The following NRG4 variants were observed in gnomAD, a reference collection of about 807,000 sequenced individuals.
NRG4 encodes the protein neuregulin 4.
In NRG4, 10 loss-of-function variants were observed where a neutral mutation model predicts 15.0. The ratio of observed to expected loss-of-function variants is 0.67; its 90% CI spans 0.41 to 1.13. The LOEUF (loss-of-function observed/expected upper bound fraction) is 1.13, where lower values mean the gene tolerates loss of function less well. NRG4 is among the 50% of genes most tolerant of loss of function. NRG4 has a pLI of 0.00. For missense variants in NRG4, 139 were observed against 140.2 expected (o/e 0.99, Z 0.04); for synonymous variants, 41 against 50.1 (o/e 0.82, Z 0.77).
chr15:75,972,207 G>C (rs532288465), intron 3 of NRG4, among the ~76,000 whole-genome samples: 1 of 152,198 alleles, frequency 6.6e-6, no homozygotes, highest in African/African-American at 2.4e-5. Flanking sequence ...CCCACTTTTT[G>C]ATGGGGTTGT....
intron 5 of NRG4, among the ~76,000 whole-genome samples, chr15:75,948,241 A>T (rs757500360): frequency 3.9e-5 from 6 of 152,066 alleles, no homozygotes; most frequent in Non-Finnish European, 8.8e-5. Flanking sequence ...CAATTTCATG[A>T]AGCATTCCCC....
intron 5 of NRG4, among the ~76,000 whole-genome samples, chr15:75,946,845 G>A (rs1316151496): frequency 1.3e-5 from 2 of 152,168 alleles, no homozygotes; most frequent in Non-Finnish European, 2.9e-5. Flanking sequence ...CACTTAGCAC[G>A]TCTTCAGGAT....
chr15:76,051,367 C>T (rs1437761665), intron 4 of NRG4, among the ~76,000 whole-genome samples: 2 of 150,300 alleles, frequency 1.3e-5, no homozygotes, highest in Non-Finnish European at 2.9e-5. Flanking sequence ...TCTGGAACAC[C>T]TATGCTCAAG....
intron 4 of NRG4, among the ~76,000 whole-genome samples, chr15:75,960,956 A>G (rs1004602998): frequency 2.0e-5 from 3 of 152,210 alleles, no homozygotes; most frequent in Non-Finnish European, 4.4e-5. Flanking sequence ...AATTTCCTCC[A>G]ATTTTTAATT....
intron 5 of NRG4, among the ~76,000 whole-genome samples, chr15:75,954,245 C>T (rs1456357244): frequency 1.3e-5 from 2 of 150,768 alleles, no homozygotes; most frequent in African/African-American, 4.9e-5. Context: ...CTGTTAATAC[C>T]ATCCAGTTTT....
intron 3 of NRG4, among the ~76,000 whole-genome samples, chr15:75,986,811 A>G (rs180924919): frequency 6.6e-6 from 1 of 152,294 alleles, no homozygotes; most frequent in African/African-American, 2.4e-5. Flanking sequence ...CAGATTAAGG[A>G]TATGGCCCTC....
chr15:76,024,477 C>A (rs1032560552), intron 5 of NRG4, among the ~76,000 whole-genome samples: 5 of 152,232 alleles, frequency 3.3e-5, no homozygotes, highest in African/African-American at 1.2e-4. Context: ...ATACCCCTGA[C>A]AGACATGCCC....
At chr15:76,058,234 A>G (rs2036200893) in intron 1 of NRG4, among the ~76,000 whole-genome samples, 1 of 152,160 alleles carries the variant, frequency 6.6e-6, no homozygotes, top group South Asian at 2.1e-4. Context: ...TTCTTAACCC[A>G]TCTCCACTTT....
chr15:76,013,459 A>G (rs2034879840), upstream of NRG4, among the ~76,000 whole-genome samples: 1 of 152,162 alleles, frequency 6.6e-6, no homozygotes. Flanking sequence ...CCAACCTGTC[A>G]TTTACATTAG....
intron 3 of NRG4, among the ~76,000 whole-genome samples, chr15:76,052,431 A>G (rs1033141492): frequency 6.6e-6 from 1 of 151,164 alleles, no homozygotes; most frequent in African/African-American, 2.5e-5. Context: ...AGTTGGGTTA[A>G]GAGGGAAATA....
At chr15:75,990,684 G>GTTT (rs1254138831) in intron 3 of NRG4, among the ~76,000 whole-genome samples, 1 of 102,248 alleles carries the variant, frequency 9.8e-6, no homozygotes, top group Non-Finnish European at 2.1e-5. Context: ...TTTTTTTTTT[G>GTTT]TTTTTTTTTT....
intron 1 of NRG4, among the ~76,000 whole-genome samples, chr15:76,058,445 A>G (rs1466220496): frequency 6.6e-6 from 1 of 150,768 alleles, no homozygotes; most frequent in East Asian, 1.9e-4. Flanking sequence ...CCAAAAGTAG[A>G]TACTCCCTGT....
At chr15:75,973,163 C>T (rs890614159) in intron 3 of NRG4, among the ~76,000 whole-genome samples, 1 of 152,042 alleles carries the variant, frequency 6.6e-6, no homozygotes, top group Non-Finnish European at 1.5e-5. Context: ...CATGATTTGG[C>T]TCTCTGTTTG....
At chr15:76,048,169 A>C (rs998587315) in intron 4 of NRG4, among the ~76,000 whole-genome samples, 4 of 149,740 alleles carry the variant, frequency 2.7e-5, no homozygotes, top group Non-Finnish European at 5.9e-5. Context: ...AAAAAAAAAA[A>C]AGTTTCAAAA....
chr15:75,955,283 A>ACT (rs2032171554), intron 5 of NRG4, among the ~76,000 whole-genome samples: 1 of 152,076 alleles, frequency 6.6e-6, no homozygotes, highest in African/African-American at 2.4e-5. Context: ...AGTCAGCCAA[A>ACT]CTCAGCCTGG....
intron 5 of NRG4, among the ~76,000 whole-genome samples, chr15:75,944,926 A>C (rs898196294): frequency 6.6e-6 from 1 of 151,748 alleles, no homozygotes; most frequent in Non-Finnish European, 1.5e-5. Context: ...TTACAAAAAA[A>C]CAACAGTAAT....
intron 2 of NRG4, among the ~76,000 whole-genome samples, chr15:76,054,143 G>A (rs778734304): frequency 1.3e-5 from 2 of 150,158 alleles, no homozygotes; most frequent in Non-Finnish European, 1.5e-5. Flanking sequence ...GCTGGAGTGC[G>A]GTGGTGCAAC....
intron 2 of NRG4, among the ~76,000 whole-genome samples, chr15:76,056,756 T>C (rs1461869547): frequency 7.2e-5 from 11 of 152,194 alleles, no homozygotes; most frequent in Non-Finnish European, 1.5e-4. Flanking sequence ...ACTTGTTCTA[T>C]TTTCACAAGC....
intron 3 of NRG4, among the ~76,000 whole-genome samples, chr15:75,993,119 T>C (rs527953793): frequency 1.1e-4 from 17 of 152,106 alleles, no homozygotes; most frequent in Non-Finnish European, 1.5e-4. Context: ...TTTCCCCATA[T>C]GTAATGTGTC....
Sources: gnomAD v4.1 joint callset for allele counts (sites outside exome capture counted in the v4.1 genomes callset) on GRCh38, gnomAD v4.1.1 for gene constraint, MANE v1.5 for transcripts, NCBI Gene and HGNC (gene_info 2026-07-23, HGNC 2026-07-21) for gene names.